The following KLHL13 variants were observed in gnomAD, a reference collection of about 807,000 sequenced individuals.
The protein encoded by KLHL13 is kelch-like protein 13.
Under a neutral mutation model 37.1 loss-of-function variants are expected in KLHL13, and 10 were observed. The observed-to-expected ratio is 0.27, with a 90% CI of 0.17 to 0.46. The LOEUF (loss-of-function observed/expected upper bound fraction) is 0.46. KLHL13 is among the 20% of genes least tolerant of loss of function. The pLI is 1.00. For missense variants in KLHL13, 360 were observed against 509.3 expected, an observed-to-expected ratio of 0.71 and a Z score of 2.82; for synonymous variants, 163 against 181.2, an observed-to-expected ratio of 0.90 and a Z score of 0.81.
chrX:117,909,290 A>T lies in KLHL13; in HGVS notation c.1366+11T>A, dbSNP rs1930805137. ...GAAATTTGTCTCTATGCTTAATATA[A>T]ATGCACTTACGCAGTTCACCTGCTG... On this transcript the variant is annotated intron_variant, in intron 5 of 6. Coordinates refer to ENST00000262820, the Ensembl canonical transcript of KLHL13. 1 of 1,145,579 alleles carries T rather than the reference A, an allele frequency of 8.7e-7. No individual in the cohort carries two copies. Among genetic ancestry groups the T allele is most frequent in the East Asian group, 3.0e-5 (1 of 33,265 alleles). 94.4% of individuals were successfully genotyped at this position (1,145,579 alleles called of 1,213,427 possible). A position where few individuals can be genotyped will look rare whatever the true frequency, so the allele number is the denominator to read the frequency against.
chrX:118,056,888 AAT>A (rs2054690347), intron 1 of KLHL13, among the ~76,000 whole-genome samples: 1 of 112,184 alleles, frequency 8.9e-6, no homozygotes, highest in East Asian at 2.8e-4. Flanking sequence ...ATAGGTGTTC[AAT>A]ATATTTTACT....
At chrX:117,907,805 A>C (rs1053668884) in intron 5 of KLHL13, among the ~76,000 whole-genome samples, 7 of 111,457 alleles carry the variant, frequency 6.3e-5, no homozygotes, top group African/African-American at 2.3e-4. Context: ...AAAGAAAAAA[A>C]AACTTTGGGT....
At chrX:118,088,932 A>G (rs1406100085) in intron 1 of KLHL13, among the ~76,000 whole-genome samples, 3 of 111,772 alleles carry the variant, frequency 2.7e-5, no homozygotes, top group Non-Finnish European at 5.6e-5. Context: ...TTTGCCTAAT[A>G]TATTCAAGGT....
intron 1 of KLHL13, among the ~76,000 whole-genome samples, chrX:118,104,479 C>T (rs2055324876): frequency 8.9e-6 from 1 of 112,030 alleles, no homozygotes; most frequent in African/African-American, 3.2e-5. Context: ...GTTTTAAATA[C>T]GAGTCTGGCT....
At chrX:118,035,926 A>C (rs2054433263) in intron 1 of KLHL13, among the ~76,000 whole-genome samples, 1 of 100,762 alleles carries the variant, frequency 9.9e-6, no homozygotes, top group Non-Finnish European at 1.9e-5. Context: ...TGCAAAAATC[A>C]CAAGCATTCT....
chrX:118,080,765 T>C (rs1406244358), intron 1 of KLHL13, among the ~76,000 whole-genome samples: 2 of 111,981 alleles, frequency 1.8e-5, no homozygotes, highest in Non-Finnish European at 3.8e-5. Context: ...ACTGGGTACA[T>C]ACCCAAAGGA....
chrX:118,112,440 A>G (rs2055422013), intron 1 of KLHL13, among the ~76,000 whole-genome samples: 1 of 111,061 alleles, frequency 9.0e-6, no homozygotes, highest in Non-Finnish European at 1.9e-5. Flanking sequence ...GGGGAGATCT[A>G]GTTCAATGGG....
At chrX:117,966,719 C>T (rs1289022520) in intron 1 of KLHL13, among the ~76,000 whole-genome samples, 98 of 110,890 alleles carry the variant, frequency 8.8e-4, no homozygotes, top group African/African-American at 2.1e-3. Flanking sequence ...GAGATATAGA[C>T]CAATGGAACA....
At chrX:117,979,787 G>A (rs923426233) in intron 1 of KLHL13, among the ~76,000 whole-genome samples, 15 of 106,166 alleles carry the variant, frequency 1.4e-4, no homozygotes, top group Non-Finnish European at 3.0e-4. Context: ...AAATCATCCA[G>A]AATATATATA....
intron 1 of KLHL13, among the ~76,000 whole-genome samples, chrX:118,049,380 T>A (rs977695253): frequency 1.8e-5 from 2 of 112,118 alleles, no homozygotes; most frequent in African/African-American, 6.5e-5. Flanking sequence ...ATTACAAAAA[T>A]TCAAAATCAT....
chrX:118,089,949 C>T (rs1169286860), intron 1 of KLHL13, among the ~76,000 whole-genome samples: 1 of 109,097 alleles, frequency 9.2e-6, no homozygotes, highest in Non-Finnish European at 1.9e-5. Flanking sequence ...GGAATGGTGG[C>T]GTGTGCCTAT....
At chrX:118,036,932 A>T (rs751097317) in intron 1 of KLHL13, among the ~76,000 whole-genome samples, 1 of 97,201 alleles carries the variant, frequency 1.0e-5, no homozygotes, top group Admixed American at 1.2e-4. Flanking sequence ...AAGTGGGCAA[A>T]GGACATGAAC....
intron 1 of KLHL13, among the ~76,000 whole-genome samples, chrX:118,040,781 T>C (rs1411197618): frequency 9.0e-6 from 1 of 111,042 alleles, no homozygotes; most frequent in Non-Finnish European, 1.9e-5. Context: ...CTCCCAAAGG[T>C]CAAGGACAAA....
chrX:118,093,971 G>A (rs1167832112), intron 1 of KLHL13, among the ~76,000 whole-genome samples: 2 of 109,772 alleles, frequency 1.8e-5, no homozygotes, highest in Non-Finnish European at 3.8e-5. Flanking sequence ...GGTAATTTCT[G>A]CATTTCCAAC....
intron 1 of KLHL13, among the ~76,000 whole-genome samples, chrX:117,997,745 A>C (rs2053871192): frequency 9.0e-6 from 1 of 111,398 alleles, no homozygotes; most frequent in Non-Finnish European, 1.9e-5. Context: ...CTGTTTCCTC[A>C]TTTGTTCCCC....
intron 1 of KLHL13, among the ~76,000 whole-genome samples, chrX:118,051,828 G>C (rs1313779330): frequency 9.0e-6 from 1 of 111,271 alleles, no homozygotes; most frequent in Non-Finnish European, 1.9e-5. Context: ...TGGGAGAACT[G>C]AACACATAAA....
intron 1 of KLHL13, among the ~76,000 whole-genome samples, chrX:118,108,814 AT>A (rs930388549): frequency 1.9e-5 from 2 of 107,860 alleles, no homozygotes; most frequent in East Asian, 2.9e-4. Context: ...ATTTTTTTAG[AT>A]TTTTTTTTTG....
chrX:118,110,281 C>T (rs2055394026), intron 1 of KLHL13, among the ~76,000 whole-genome samples: 1 of 110,521 alleles, frequency 9.0e-6, no homozygotes, highest in South Asian at 3.9e-4. Flanking sequence ...ACTCATGTCC[C>T]CATGTAACCA....
chrX:118,007,657 G>A (rs939654694), intron 1 of KLHL13, among the ~76,000 whole-genome samples: 3 of 111,439 alleles, frequency 2.7e-5, no homozygotes, highest in African/African-American at 9.8e-5. Flanking sequence ...TATCAGCTAT[G>A]TCGTGCTGTG....
Sources: allele counts gnomAD v4.1 joint callset (sites outside exome capture counted in the v4.1 genomes callset), GRCh38; gene constraint gnomAD v4.1.1; transcripts MANE v1.5; gene names NCBI Gene and HGNC (gene_info 2026-07-23, HGNC 2026-07-21).